Variants in GPR75 observed in about 807,000 individuals in gnomAD.
The protein encoded by GPR75 is G protein-coupled receptor 75.
Under a neutral mutation model 26.0 loss-of-function variants are expected in GPR75, and 27 were observed. The ratio of observed to expected loss-of-function variants is 1.04; its 90% CI spans 0.77 to 1.43. GPR75 has a LOEUF of 1.43. Ranked by LOEUF, GPR75 falls within the 40% of genes most tolerant of loss-of-function variation. GPR75 has a pLI of 0.00. For synonymous variants in GPR75, 285 were observed against 256.3 expected, an observed-to-expected ratio of 1.11 and a Z score of -1.07; for missense variants, 699 against 662.3, an observed-to-expected ratio of 1.06 and a Z score of -0.61.
At chr2:53,857,034 G>A (rs1010879610) in intron 1 of GPR75, among the ~76,000 whole-genome samples, 1 of 133,864 alleles carries the variant, frequency 7.5e-6, no homozygotes, top group Non-Finnish European at 1.5e-5. Flanking sequence ...CGCAATCTCG[G>A]CTCACTGCAA....
intron 1 of GPR75, 65 bp downstream of exon 1, chr2:53,859,763 C>T: frequency 7.7e-7 from 1 of 1,298,974 alleles, no homozygotes; most frequent in Non-Finnish European, 1.0e-6. Flanking sequence ...GCTATCCCGC[C>T]AGCCTCCGGG....
At chr2:53,858,647 T>G (rs373206397) in intron 1 of GPR75, among the ~76,000 whole-genome samples, 1 of 152,174 alleles carries the variant, frequency 6.6e-6, no homozygotes, top group Non-Finnish European at 1.5e-5. Context: ...GTCTTAGTAG[T>G]AACTCCTGAG....
At position 53,854,674 on chromosome 2, in the gene GPR75, G is replaced by C. The variant is rs758760938; in HGVS notation, c.83C>G (p.Ser28Cys). Residue 28 changes from serine to cysteine, a missense_variant, in exon 2 of 2, where the codon TCT (serine) becomes TGT (cysteine). Ser to Cys is a moderately radical substitution (Grantham distance 112). Transcript: ENST00000394705. ...GAGATCCTGAAGACCCTCCTGGAGA[G>C]AGGTGCTGTTTCCTTCCTGTGAGTG... ...VPHSQEGNST[S>C]LQEGLQDLIH... 6.2e-7 allele frequency: 1 copy of C among 1,614,050 alleles called. No individual in the cohort carries two copies.
At position 53,854,011 on chromosome 2, in the gene GPR75, G is replaced by C. The variant is rs1573157915; in HGVS notation, c.746C>G (p.Pro249Arg). The C allele has an allele frequency of 3.1e-6, 5 of 1,614,214 alleles. No homozygotes were observed. The East Asian group carries it at 1.1e-4, about 36-fold the overall frequency. Residue 249 changes from proline to arginine, a missense_variant, in exon 2 of 2, where the codon CCA becomes CGA. Physicochemically the swap from Pro to Arg is moderately radical, Grantham distance 103 (BLOSUM62 -2). Transcript: ENST00000394705. Reference sequence around the variant, plus strand: ...CACAGGGACCCCCATGAAAGGCTGTGGTCTGGAAGCATCGACTGTGATTAC... The same window carrying C: ...CACAGGGACCCCCATGAAAGGCTGTCGTCTGGAAGCATCGACTGTGATTAC... Reference protein sequence around the residue: ...PPVITVDASRPQPFMGVPVQG... With the variant: ...PPVITVDASRRQPFMGVPVQG...
chr2:53,853,085 C>T lies in GPR75; in HGVS notation c.*49G>A, dbSNP rs114779110. The T allele has an allele frequency of 2.8e-3, 3,777 of 1,350,350 alleles. 90 individuals are homozygous for T. In the African/African-American group the frequency reaches 0.048, roughly 17 times the overall value. 83.6% of individuals were successfully genotyped at this position (1,350,350 alleles called of 1,614,324 possible). A position where few individuals can be genotyped will look rare whatever the true frequency, so the allele number is the denominator to read the frequency against. ...TCTCAAGTTAGAATAAAGTCCATTA[C>T]TATCAGAAACAAAAACTGTTTACAT... On this transcript the variant is annotated 3_prime_UTR_variant, in exon 2 of 2. Transcript: ENST00000394705.
At chr2:53,858,089 T>C (rs1468470145) in intron 1 of GPR75, among the ~76,000 whole-genome samples, 1 of 152,074 alleles carries the variant, frequency 6.6e-6, no homozygotes, top group Non-Finnish European at 1.5e-5. Context: ...GGAAACCAAG[T>C]CAAAGAGAGG....
rs369824815 is a variant in GPR75, at chr2:53,858,513, A to G, written c.-110+1315T>C. On this transcript the variant is annotated intron_variant, in intron 1 of 1. Transcript: ENST00000394705. ...AATCACTCCTATTGAGATAATTAGA[A>G]AAAAAGGAATCATGGGCTGGGAAGA... Among the ~76,000 whole-genome samples, 11 of 152,214 alleles carry G rather than the reference A, an allele frequency of 7.2e-5. No homozygotes were observed. The East Asian group carries it at 1.9e-3, about 27-fold the overall frequency.
In GPR75 at chr2:53,853,796, C is replaced by T. The variant is rs1678152581; in HGVS notation, c.961G>A (p.Val321Ile). The T allele has an allele frequency of 1.2e-6, 2 of 1,614,162 alleles. No homozygotes were observed. The highest frequency in any genetic ancestry group is 1.7e-6 in the Non-Finnish European group (2 of 1,180,016). Reference sequence around the variant, plus strand: ...GACAGCACAATGATCACACAGGTGACCACGGCTTTGGAATCCTTGGCAGTG... The same window carrying T: ...GACAGCACAATGATCACACAGGTGATCACGGCTTTGGAATCCTTGGCAGTG... ...LSTAKDSKAVVTCVIIVLSVL... is the reference protein window; with the variant it reads ...LSTAKDSKAVITCVIIVLSVL... The change falls in exon 2 of 2, where the codon GTC becomes ATC. Residue 321 changes from valine to isoleucine, a missense_variant. By Grantham distance (29) the Val-to-Ile change is conservative. Transcript: ENST00000394705.
rs202215281 is a variant in GPR75 at position 53,853,799 on chromosome 2, C to T, written c.958G>A (p.Val320Met). The T allele has an allele frequency of 6.4e-4, 1,031 of 1,614,204 alleles. 15 individuals carry two copies. The South Asian group carries it at 0.01, about 16-fold the overall frequency. ...NLSTAKDSKA[V>M]VTCVIIVLSV... is the part of the protein sequence containing the mutation. ...AGCACAATGATCACACAGGTGACCA[C>T]GGCTTTGGAATCCTTGGCAGTGGAG... Residue 320 changes from valine to methionine, a missense_variant, in exon 2 of 2, where the codon GTG becomes ATG. By Grantham distance (21) the Val-to-Met change is conservative. Transcript: ENST00000394705.
Position 53,853,817 on chromosome 2 carries a change from C to T in GPR75, c.940G>A (p.Ala314Thr), listed in dbSNP as rs777486285. ...QLVSAINLST[A>T]KDSKAVVTCV... Reference sequence around the variant, plus strand: ...GTGACCACGGCTTTGGAATCCTTGGCAGTGGAGAGGTTGATGGCTGATACG... The same window carrying T: ...GTGACCACGGCTTTGGAATCCTTGGTAGTGGAGAGGTTGATGGCTGATACG... Residue 314 changes from alanine to threonine, a missense_variant, in exon 2 of 2, where the codon GCC becomes ACC. Ala to Thr is a moderately conservative substitution (Grantham distance 58, BLOSUM62 0). Transcript: ENST00000394705. The T allele has an allele frequency of 6.2e-7, 1 of 1,614,150 alleles. No homozygotes were observed. The highest frequency in any genetic ancestry group is 1.1e-5 in the South Asian group (1 of 91,072).
chr2:53,858,918 A>G (rs1185932879), intron 1 of GPR75, among the ~76,000 whole-genome samples: 2 of 152,076 alleles, frequency 1.3e-5, no homozygotes, highest in Non-Finnish European at 2.9e-5. Context: ...CATGCATATT[A>G]GCTGCAGTAA....
rs993412398 is a variant in GPR75, at chr2:53,859,682, G to A, written c.-110+146C>T. ...GGAACCGGCAGGGACGGGCGAGAAG[G>A]CTACCCTGCAGGCCGCACCAGGAAG... is the stretch of plus-strand genomic sequence containing the variant. On this transcript the variant is annotated intron_variant, in intron 1 of 1. Transcript: ENST00000394705. 53 of 598,256 alleles carry A rather than the reference G, an allele frequency of 8.9e-5. No individual in the cohort carries two copies. In the African/African-American group the frequency reaches 9.9e-4, roughly 11 times the overall value. 37.1% of individuals were successfully genotyped at this position (598,256 alleles called of 1,614,324 possible).
At position 53,859,822 on chromosome 2, in the gene GPR75, T is replaced by A. The variant is rs1678332197; in HGVS notation, c.-110+6A>T. ...TGTCCTCCTCCAGGGGCCCGCGGCC[T>A]CTCACCTGCCGGGTGGCCGCAGCGC... On this transcript the variant is annotated splice_donor_region_variant and intron_variant, in intron 1 of 1. Coordinates refer to ENST00000394705, the MANE Select transcript of GPR75 (RefSeq NM_006794.4). 1 of 1,528,726 alleles carries A rather than the reference T, an allele frequency of 6.5e-7. No individual in the cohort carries two copies. Among genetic ancestry groups the A allele is most frequent in the African/African-American group, 1.4e-5 (1 of 71,668 alleles). The allele number at this position is 1,528,726 out of a possible 1,614,324, so 94.7% of individuals were successfully genotyped here.
intron 1 of GPR75, among the ~76,000 whole-genome samples, chr2:53,858,402 GAC>G (rs61090357): frequency 0.093 from 13,411 of 144,968 alleles, 640 homozygotes; most frequent in South Asian, 0.18. Flanking sequence ...GATACAGATA[GAC>G]ACACACACAC....
rs571785575 is a variant in GPR75 at position 53,854,398 on chromosome 2, G to A, written c.359C>T (p.Thr120Ile). 3 of 1,614,096 alleles carry A rather than the reference G, an allele frequency of 1.9e-6. No homozygotes were observed. Among genetic ancestry groups the A allele is most frequent in the Non-Finnish European group, 2.5e-6 (3 of 1,179,988 alleles). ...ASSIPDAFCF[T>I]FHLTSSGFII... ...GAAGCCTGAACTGGTGAGATGGAAA[G>A]TGAAGCAGAAAGCATCCGGGATACT... Residue 120 changes from threonine (T) to isoleucine (I), a missense_variant, in exon 2 of 2, where the codon ACT (threonine) becomes ATT (isoleucine). By Grantham distance (89) the Thr-to-Ile change is moderately conservative (BLOSUM62 -1). Transcript: ENST00000394705.
At position 53,854,000 on chromosome 2, in the gene GPR75, T is replaced by C. The variant is rs1246808857; in HGVS notation, c.757A>G (p.Met253Val). The change falls in exon 2 of 2, where the codon ATG becomes GTG. Residue 253 changes from methionine to valine, a missense_variant. Physicochemically the swap from Met to Val is conservative, Grantham distance 21. Coordinates refer to ENST00000394705, the MANE Select transcript of GPR75 (RefSeq NM_006794.4). The part of the protein sequence containing the change: ...TVDASRPQPF[M>V]GVPVQGGGDP... ...CCACCTCCCTGCACAGGGACCCCCA[T>C]GAAAGGCTGTGGTCTGGAAGCATCG... 6.2e-7 allele frequency: 1 copy of C among 1,614,118 alleles called. No individual in the cohort carries two copies. The highest frequency in any genetic ancestry group is 8.5e-7 in the Non-Finnish European group (1 of 1,180,020).
In GPR75 at chr2:53,859,952, G is replaced by A. The variant is rs780278616; in HGVS notation, c.-234C>T. On this transcript the variant is annotated 5_prime_UTR_variant, in exon 1 of 2. Coordinates refer to ENST00000394705, the MANE Select transcript of GPR75 (RefSeq NM_006794.4). ...ATCGCCACCGCCTCCGCGCATCCCG[G>A]GAGCCGCGGCAAGACGCGGGCGCAG... is the stretch of plus-strand genomic sequence containing the variant. 1.3e-6 allele frequency: 2 copies of A among 1,484,618 alleles called. No individual in the cohort carries two copies. The highest frequency in any genetic ancestry group is 1.8e-6 in the Non-Finnish European group (2 of 1,121,500). 92.0% of individuals were successfully genotyped at this position (1,484,618 alleles called of 1,614,324 possible). A position where few individuals can be genotyped will look rare whatever the true frequency, so the allele number is the denominator to read the frequency against.
chr2:53,853,773 C>T lies in GPR75; in HGVS notation c.984G>A (p.Leu328=), dbSNP rs774715849. ...GTGGAAGACAGCACACCAGGACTGA[C>T]AGCACAATGATCACACAGGTGACCA... ...KAVVTCVIIV[L]SVLVCCLPLG... The change falls in exon 2 of 2, where the codon CTG becomes CTA. Residue 328 remains leucine, a synonymous_variant. Coordinates refer to ENST00000394705, the MANE Select transcript of GPR75 (RefSeq NM_006794.4). 1 of 1,614,248 alleles carries T rather than the reference C, an allele frequency of 6.2e-7. No individual in the cohort carries two copies. The highest frequency in any genetic ancestry group is 8.5e-7 in the Non-Finnish European group (1 of 1,180,052).
chr2:53,854,573 T>G lies in GPR75; in HGVS notation c.184A>C (p.Ile62Leu), dbSNP rs1309889071. ...GGATCGAAGAAGGACAAGAAGACAA[T>G]GAAGTTGCCATAGGAACCCAGGCAG... is the stretch of plus-strand genomic sequence containing the variant. ...IFCLGSYGNF[I>L]VFLSFFDPAF... Residue 62 changes from isoleucine to leucine, a missense_variant, in exon 2 of 2, where the codon ATT becomes CTT. Coordinates refer to ENST00000394705, the MANE Select transcript of GPR75 (RefSeq NM_006794.4). 1 of 1,613,846 alleles carries G rather than the reference T, an allele frequency of 6.2e-7. No homozygotes were observed. The highest frequency in any genetic ancestry group is 8.5e-7 in the Non-Finnish European group (1 of 1,179,968).
Sources: allele counts gnomAD v4.1 joint callset (sites outside exome capture counted in the v4.1 genomes callset), GRCh38; gene constraint gnomAD v4.1.1; transcripts MANE v1.5; gene names NCBI Gene and HGNC (gene_info 2026-07-23, HGNC 2026-07-21).